AATK: variants seen among roughly 807,000 people sequenced by gnomAD.
AATK encodes serine/threonine-protein kinase LMTK1.
In AATK, 91 loss-of-function variants were observed where a neutral mutation model predicts 114.3. The ratio of observed to expected loss-of-function variants is 0.80; its 90% CI spans 0.67 to 0.95. The LOEUF is 0.95. Among genes scored for constraint, AATK ranks in the 40% least tolerant of loss-of-function variants. The pLI is 0.00. For missense variants in AATK, 2,176 were observed against 1,965.2 expected (o/e 1.11, Z -2.03); for synonymous variants, 1,075 against 916.5 (o/e 1.17, Z -3.12).
Position 81,119,245 on chromosome 17 carries a change from CGGGGCCGGG to C in AATK, c.4084+126_4084+134del, listed in dbSNP as rs1568215898. The stretch of plus-strand genomic sequence containing the variant: ...GGCTAGGTCTGGGGCCGGGAAGGAG[CGGGGCCGGG>C]AAGGAGCGGAGCGGAGCGGAGCCGG... On this transcript the variant is annotated intron_variant, in intron 13 of 13. Transcript: ENST00000326724. The C allele has an allele frequency of 4.0e-4, 90 of 223,012 alleles. 1 individual carries two copies. In the East Asian group the frequency reaches 8.0e-3, roughly 20 times the overall value. The allele number at this position is 223,012 out of a possible 1,614,324, so 13.8% of individuals were successfully genotyped here. A position where few individuals can be genotyped will look rare whatever the true frequency, so the allele number is the denominator to read the frequency against.
Position 81,118,107 on chromosome 17 carries a change from C to T in AATK, c.*295G>A. The stretch of plus-strand genomic sequence containing the variant: ...CCGCCGTGCCCAGGGGCACTGGCCC[C>T]TTTTGAGTGTGTATGTGTGTACAGA... On this transcript the variant is annotated 3_prime_UTR_variant, in exon 14 of 14. Coordinates refer to ENST00000326724, the MANE Select transcript of AATK (RefSeq NM_001080395.3). 2.6e-6 allele frequency: 1 copy of T among 377,752 alleles called. No individual in the cohort carries two copies. Among genetic ancestry groups the T allele is most frequent in the Non-Finnish European group, 4.8e-6 (1 of 207,408 alleles). The allele number at this position is 377,752 out of a possible 1,614,324, so 23.4% of individuals were successfully genotyped here. A position where few individuals can be genotyped will look rare whatever the true frequency, so the allele number is the denominator to read the frequency against.
In AATK at chr17:81,125,000, C is replaced by T. The variant is rs1157762538; in HGVS notation, c.770G>A (p.Arg257Gln). The change falls in exon 8 of 14, where the codon CGG (arginine) becomes CAG (glutamine). Residue 257 changes from arginine to glutamine, a missense_variant. Around this residue, in one of 4 missense-constraint regions of AATK, gnomAD observed 273 missense variants for 344.1 expected, o/e 0.79. Coordinates refer to ENST00000326724, the MANE Select transcript of AATK (RefSeq NM_001080395.3). Reference protein sequence around the residue: ...NNFVHSDLALRNCLLTADLTV... With the variant: ...NNFVHSDLALQNCLLTADLTV... ...CAGGTCAGCCGTGAGCAGGCAGTTC[C>T]GCAGGGCCAGGTCGCTGCAGGCAGG... The T allele has an allele frequency of 2.6e-6, 4 of 1,567,376 alleles. No homozygotes were observed. Among genetic ancestry groups the T allele is most frequent in the East Asian group, 2.3e-5 (1 of 43,272 alleles).
At chr17:81,134,627 T>C in intron 1 of AATK, 126 bp from the exon 2 acceptor site, 1 of 1,260,096 alleles carries the variant, frequency 7.9e-7, no homozygotes, top group Non-Finnish European at 1.1e-6. Context: ...CACCCTGACC[T>C]CTCACCCCAG....
intron 1 of AATK, among the ~76,000 whole-genome samples, chr17:81,137,020 G>C (rs1372305767): frequency 3.3e-5 from 5 of 152,124 alleles, no homozygotes; most frequent in African/African-American, 1.2e-4. Flanking sequence ...CACTTTGGGA[G>C]GCCAAGGCAG....
At chr17:81,141,265 C>T (rs570394682) in intron 1 of AATK, among the ~76,000 whole-genome samples, 2 of 152,146 alleles carry the variant, frequency 1.3e-5, no homozygotes, top group East Asian at 1.9e-4. Flanking sequence ...GCCTGGCCAA[C>T]GTGGTGAAAT....
Position 81,124,972 on chromosome 17 carries a change from C to A in AATK, c.798G>T (p.Thr266=). The change falls in exon 8 of 14, where the codon ACG becomes ACT. Residue 266 remains threonine, a synonymous_variant. Transcript: ENST00000326724. Reference sequence around the variant, plus strand: ...CCAGGCCATAGTCACCAATCTTCACCGTCAGGTCAGCCGTGAGCAGGCAGT... The same window carrying A: ...CCAGGCCATAGTCACCAATCTTCACAGTCAGGTCAGCCGTGAGCAGGCAGT... ...LRNCLLTADL[T]VKIGDYGLAH... 2 of 1,580,640 alleles carry A rather than the reference C, an allele frequency of 1.3e-6. No individual in the cohort carries two copies. Among genetic ancestry groups the A allele is most frequent in the Non-Finnish European group, 1.7e-6 (2 of 1,163,866 alleles).
intron 13 of AATK, among the ~76,000 whole-genome samples, 169 bp downstream of exon 13, chr17:81,119,211 C>A (rs1263630737): frequency 1.9e-5 from 2 of 107,578 alleles, no homozygotes; most frequent in African/African-American, 6.8e-5. Flanking sequence ...GAGGGCCAGG[C>A]GGGGTCCAGG....
rs778635339 is a variant in AATK, at chr17:81,121,843, G to A, written c.2093C>T (p.Pro698Leu). ...CTCAGCGTGGCCGCCCGCAGAGACG[G>A]GGTCCCAGGACTCTGGACAGCGGCT... Reference protein sequence around the residue: ...SGSRCPESWDPVSAGGHAEGC... With the variant: ...SGSRCPESWDLVSAGGHAEGC... The change falls in exon 11 of 14, where the codon CCC (proline) becomes CTC (leucine). Residue 698 changes from proline (P) to leucine (L), a missense_variant. Physicochemically the swap from Pro to Leu is moderately conservative, Grantham distance 98 (BLOSUM62 -3). Around this residue, in one of 4 missense-constraint regions of AATK, gnomAD observed 1,701 missense variants for 1,394.7 expected, o/e 1.22. Coordinates refer to ENST00000326724, the MANE Select transcript of AATK (RefSeq NM_001080395.3). 5.6e-6 allele frequency: 9 copies of A among 1,595,072 alleles called. No individual in the cohort carries two copies. The Admixed American group carries it at 1.5e-4, about 27-fold the overall frequency.
At chr17:81,132,597 G>A in intron 2 of AATK, 1 of 224,496 alleles carries the variant, frequency 4.5e-6, no homozygotes, top group Non-Finnish European at 9.7e-6. Flanking sequence ...GCTTTGTAGA[G>A]GGGCCCAGGA....
At chr17:81,156,256 C>T (rs200268121) in intron 1 of AATK, among the ~76,000 whole-genome samples, 2 of 151,440 alleles carry the variant, frequency 1.3e-5, no homozygotes, top group East Asian at 1.9e-4. Flanking sequence ...ATGTATGTTA[C>T]CATGTTACAA....
rs568434855 is a variant in AATK at position 81,143,959 on chromosome 17, A to G, written c.56-9458T>C. The stretch of plus-strand genomic sequence containing the variant: ...CACAACAGCAGGTGCACCCAGGGTG[A>G]GCACGGTGCCCAGGGTTGCCCCTGC... On this transcript the variant is annotated intron_variant, in intron 1 of 13. Coordinates refer to ENST00000326724, the MANE Select transcript of AATK (RefSeq NM_001080395.3). Among the ~76,000 whole-genome samples, 11 of 152,318 alleles carry G rather than the reference A, an allele frequency of 7.2e-5. No individual in the cohort carries two copies. In the South Asian group the frequency reaches 1.7e-3, roughly 23 times the overall value.
rs1348148719 is a variant in AATK at position 81,122,263 on chromosome 17, G to A, written c.1673C>T (p.Ala558Val). ...AGCAPSPPAT[A>V]DQDDDSDGST... ...GCCGTCAGAGTCGTCGTCCTGGTCC[G>A]CGGTGGCAGGTGGACTGGGGGCGCA... Residue 558 changes from alanine (A) to valine (V), a missense_variant, in exon 11 of 14, where the codon GCG becomes GTG. Ala to Val is a moderately conservative substitution (Grantham distance 64). Transcript: ENST00000326724. The A allele has an allele frequency of 2.7e-6, 4 of 1,495,266 alleles. No homozygotes were observed. Among genetic ancestry groups the A allele is most frequent in the South Asian group, 2.5e-5 (2 of 79,334 alleles). 92.6% of individuals were successfully genotyped at this position (1,495,266 alleles called of 1,614,324 possible).
chr17:81,122,318 C>T lies in AATK; in HGVS notation c.1618G>A (p.Ala540Thr). The T allele has an allele frequency of 6.6e-7, 1 of 1,508,830 alleles. No homozygotes were observed. Among genetic ancestry groups the T allele is most frequent in the Admixed American group, 2.1e-5 (1 of 47,692 alleles). 93.5% of individuals were successfully genotyped at this position (1,508,830 alleles called of 1,614,324 possible). ...GCGCAGTCAGGGTCGTGGCCGGCGG[C>T]GGGTGCGGCCTCCTCTAGGCGGATG... ...YFIRLEEAAP[A>T]AGHDPDCAGC... The change falls in exon 11 of 14, where the codon GCC (alanine) becomes ACC (threonine). Residue 540 changes from alanine (A) to threonine (T), a missense_variant. Around this residue, in one of 4 missense-constraint regions of AATK, gnomAD observed 1,701 missense variants for 1,394.7 expected, o/e 1.22. Coordinates refer to ENST00000326724, the MANE Select transcript of AATK (RefSeq NM_001080395.3).
Position 81,127,719 on chromosome 17 carries a change from G to C in AATK, c.534-49C>G, listed in dbSNP as rs551369534. The C allele has an allele frequency of 5.2e-6, 8 of 1,540,214 alleles. No homozygotes were observed. The East Asian group carries it at 1.9e-4, about 37-fold the overall frequency. ...CTGACTTGGGAGGAGGTGGGGAGGG[G>C]GAGTCGGGCCGAGCAGGGGAGGGAG... On this transcript the variant is annotated intron_variant, in intron 5 of 13. Coordinates refer to ENST00000326724, the MANE Select transcript of AATK (RefSeq NM_001080395.3).
intron 2 of AATK, 36 bp from the exon 3 acceptor site, chr17:81,131,241 C>A: frequency 6.5e-7 from 1 of 1,543,218 alleles, no homozygotes; most frequent in Non-Finnish European, 8.7e-7. Flanking sequence ...GGGCTTCTCG[C>A]AGGTCAAGGA....
chr17:81,160,767 G>A (rs551867910), intron 1 of AATK, among the ~76,000 whole-genome samples: 1 of 152,236 alleles, frequency 6.6e-6, no homozygotes, highest in African/African-American at 2.4e-5. Flanking sequence ...TGCACAGAGG[G>A]GTCAGGTGGC....
chr17:81,147,489 A>G (rs2061237830), intron 1 of AATK, among the ~76,000 whole-genome samples: 1 of 152,234 alleles, frequency 6.6e-6, no homozygotes, highest in African/African-American at 2.4e-5. Context: ...TAGGCCTGGT[A>G]AGGTGGCTAA....
Position 81,126,893 on chromosome 17 carries a change from C to G in AATK, c.622-333G>C. 8.8e-7 allele frequency: 1 copy of G among 1,133,218 alleles called. No homozygotes were observed. The highest frequency in any genetic ancestry group is 1.1e-6 in the Non-Finnish European group (1 of 916,722). The allele number at this position is 1,133,218 out of a possible 1,614,324, so 70.2% of individuals were successfully genotyped here. The stretch of plus-strand genomic sequence containing the variant: ...CTGGGGCTGGTGGTCGAGGGTTGGC[C>G]GGCAGCCCCTGACCTGCCGAAAGCC... On this transcript the variant is annotated intron_variant, in intron 6 of 13. Transcript: ENST00000326724. The surrounding 1 kb of genome is among the most constrained non-coding windows in gnomAD (Gnocchi z 5.1).
chr17:81,122,179 A>G lies in AATK; in HGVS notation c.1757T>C (p.Val586Ala). Residue 586 changes from valine (V) to alanine (A), a missense_variant, in exon 11 of 14, where the codon GTC becomes GCC. By Grantham distance (64) the Val-to-Ala change is moderately conservative. Around this residue, in one of 4 missense-constraint regions of AATK, gnomAD observed 1,701 missense variants for 1,394.7 expected, o/e 1.22. Coordinates refer to ENST00000326724, the MANE Select transcript of AATK (RefSeq NM_001080395.3). ...GTAGTGGTCGCCGCGGCCCCAGGGGACGTCGACGGGTGGCCCGTGGCCCAG... is the reference window on the plus strand; with the variant it reads ...GTAGTGGTCGCCGCGGCCCCAGGGGGCGTCGACGGGTGGCCCGTGGCCCAG... ...PLLGHGPPVDVPWGRGDHYPR... is the reference protein window; with the variant it reads ...PLLGHGPPVDAPWGRGDHYPR... 2 of 1,509,590 alleles carry G rather than the reference A, an allele frequency of 1.3e-6. No homozygotes were observed. Among genetic ancestry groups the G allele is most frequent in the Non-Finnish European group, 1.8e-6 (2 of 1,130,194 alleles). The allele number at this position is 1,509,590 out of a possible 1,614,324, so 93.5% of individuals were successfully genotyped here.
Sources: gnomAD v4.1 joint callset for allele counts (sites outside exome capture counted in the v4.1 genomes callset) on GRCh38, gnomAD v4.1.1 for gene constraint, gnomAD v4.1.1 regional missense constraint, Gnocchi (gnomAD v3.1) non-coding constraint, MANE v1.5 for transcripts, NCBI Gene and HGNC (gene_info 2026-07-23, HGNC 2026-07-21) for gene names.